The following PTPRD variants were observed in gnomAD, a reference collection of about 807,000 sequenced individuals.
PTPRD encodes protein tyrosine phosphatase receptor type D, also known as receptor-type tyrosine-protein phosphatase delta.
PTPRD carries 34 observed loss-of-function variants against 214.5 expected under a neutral mutation model. That is an observed-to-expected ratio of 0.16 (90% CI 0.12 to 0.21). The LOEUF is 0.21. PTPRD is among the 10% of genes least tolerant of loss of function. The pLI, the probability that PTPRD is intolerant of heterozygous loss-of-function variation, is 1.00. For synonymous variants in PTPRD, 1,128 were observed against 845.7 expected (o/e 1.33, Z -5.79); for missense variants, 2,545 against 2,398.7 (o/e 1.06, Z -1.27).
intron 3 of PTPRD, among the ~76,000 whole-genome samples, chr9:10,050,053 C>A (rs1043704219): frequency 1.3e-5 from 2 of 152,072 alleles, no homozygotes; most frequent in Admixed American, 6.6e-5. Context: ...TAGTGCCATT[C>A]CCTATTACCA....
rs901976709 is a variant in PTPRD at position 9,818,654 on chromosome 9, A to G, written c.-367-51803T>C. On this transcript the variant is annotated intron_variant, in intron 5 of 45. Transcript: ENST00000381196. ...GAAAATGGGTCGGGCGTGGTGGCTCATGCCTGTAATCCCAGCACTTTGGGA... is the reference window on the plus strand; with the variant it reads ...GAAAATGGGTCGGGCGTGGTGGCTCGTGCCTGTAATCCCAGCACTTTGGGA... 2.6e-5 allele frequency among the ~76,000 whole-genome samples: 4 copies of G among 152,112 alleles called. No homozygotes were observed. The South Asian group carries it at 8.3e-4, about 32-fold the overall frequency.
intron 3 of PTPRD, among the ~76,000 whole-genome samples, chr9:10,148,782 T>C (rs1365041635): frequency 6.6e-6 from 1 of 152,160 alleles, no homozygotes; most frequent in Non-Finnish European, 1.5e-5. Context: ...GTAAGAACCA[T>C]GTCTATGTAT....
intron 12 of PTPRD, among the ~76,000 whole-genome samples, chr9:8,684,868 G>A (rs536823177): frequency 6.6e-6 from 1 of 151,600 alleles, no homozygotes; most frequent in East Asian, 1.9e-4. Context: ...GCTCTCTGTG[G>A]GCATATGATT....
intron 39 of PTPRD, among the ~76,000 whole-genome samples, chr9:8,344,794 C>T (rs1242665932): frequency 6.6e-6 from 1 of 151,916 alleles, no homozygotes; most frequent in Non-Finnish European, 1.5e-5. Context: ...TTAACCCCTT[C>T]CTTATATTCC....
chr9:9,925,286 TA>T (rs2083880073), intron 5 of PTPRD, among the ~76,000 whole-genome samples: 1 of 152,058 alleles, frequency 6.6e-6, no homozygotes, highest in Admixed American at 6.6e-5. Context: ...GTTGCCTTAC[TA>T]AACAGAAATT....
At chr9:10,392,832 T>C (rs2098095402) in intron 2 of PTPRD, among the ~76,000 whole-genome samples, 1 of 151,898 alleles carries the variant, frequency 6.6e-6, no homozygotes, top group South Asian at 2.1e-4. Context: ...TGTGCTATTT[T>C]GGAAGTACAG....
At chr9:8,317,969 G>A (rs2130471420) in intron 45 of PTPRD, 27 bp from the exon 46 acceptor site, 2 of 1,590,232 alleles carry the variant, frequency 1.3e-6, no homozygotes, top group Non-Finnish European at 1.7e-6. Flanking sequence ...ATGGGGAGAA[G>A]CAAAAGAAGG....
chr9:9,597,731 C>T (rs2093461369), intron 7 of PTPRD, among the ~76,000 whole-genome samples: 1 of 151,734 alleles, frequency 6.6e-6, no homozygotes, highest in African/African-American at 2.4e-5. Context: ...AGTTTCAGCT[C>T]AGTAGTGCGA....
At chr9:8,592,763 G>T (rs1179024911) in intron 14 of PTPRD, among the ~76,000 whole-genome samples, 2 of 152,196 alleles carry the variant, frequency 1.3e-5, no homozygotes, top group Non-Finnish European at 2.9e-5. Context: ...GTGCTTAAAA[G>T]ATAACAAATA....
rs534540284 is a variant in PTPRD, at chr9:10,017,840, G to A, written c.-472+15878C>T. On this transcript the variant is annotated intron_variant, in intron 4 of 45. Coordinates refer to ENST00000381196, the MANE Select transcript of PTPRD (RefSeq NM_002839.4). ...TGTCTTGATGAAACTTTCCCCAATT[G>A]AATGCCCTCATGTAAAATTGTAACC... 5.3e-5 allele frequency among the ~76,000 whole-genome samples: 8 copies of A among 151,964 alleles called. No homozygotes were observed. In the East Asian group the frequency reaches 7.7e-4, roughly 15 times the overall value.
chr9:9,233,750 A>G (rs1165193724), intron 9 of PTPRD, among the ~76,000 whole-genome samples: 1 of 152,242 alleles, frequency 6.6e-6, no homozygotes, highest in African/African-American at 2.4e-5. Context: ...GGAAGTCATT[A>G]AACCTTAAAG....
intron 37 of PTPRD, among the ~76,000 whole-genome samples, chr9:8,380,508 A>G (rs918889866): frequency 6.6e-5 from 10 of 152,124 alleles, no homozygotes; most frequent in African/African-American, 2.2e-4. Flanking sequence ...TGCGGGAGGC[A>G]TTTCTTTTCA....
chr9:8,732,690 TTAA>T (rs967739077), intron 12 of PTPRD, among the ~76,000 whole-genome samples: 22 of 152,324 alleles, frequency 1.4e-4, no homozygotes, highest in Admixed American at 9.2e-4. Context: ...TATCTTCTTA[TTAA>T]TGTTATTCCT....
chr9:9,386,843 T>C (rs1274717835), intron 9 of PTPRD, among the ~76,000 whole-genome samples: 1 of 152,100 alleles, frequency 6.6e-6, no homozygotes, highest in Non-Finnish European at 1.5e-5. Flanking sequence ...TGGTATTTTA[T>C]GAAATAAAAG....
chr9:8,466,736 G>C (rs1004380483), intron 31 of PTPRD, among the ~76,000 whole-genome samples: 6 of 151,750 alleles, frequency 4.0e-5, no homozygotes, highest in East Asian at 1.9e-4. Flanking sequence ...ATGTATTTGA[G>C]GACAAACTGG....
intron 2 of PTPRD, among the ~76,000 whole-genome samples, chr9:10,386,687 C>G (rs1410935596): frequency 6.6e-6 from 1 of 151,274 alleles, no homozygotes; most frequent in Non-Finnish European, 1.5e-5. Flanking sequence ...AACAAACAAA[C>G]AAACAAAAAA....
intron 7 of PTPRD, among the ~76,000 whole-genome samples, chr9:9,670,590 A>C (rs1041088952): frequency 6.6e-6 from 1 of 152,174 alleles, no homozygotes; most frequent in African/African-American, 2.4e-5. Flanking sequence ...CTTAGGAGAA[A>C]ATGGTTCTGT....
chr9:9,542,617 A>G (rs1002408938), intron 8 of PTPRD, among the ~76,000 whole-genome samples: 15 of 151,750 alleles, frequency 9.9e-5, no homozygotes, highest in Non-Finnish European at 2.1e-4. Context: ...CAAATCAATA[A>G]TATAAACACA....
chr9:9,312,537 C>G (rs1481070885), intron 9 of PTPRD, among the ~76,000 whole-genome samples: 1 of 152,116 alleles, frequency 6.6e-6, no homozygotes, highest in Non-Finnish European at 1.5e-5. Flanking sequence ...TCTCTGGATA[C>G]TCTGGTTTCC....
Sources: allele counts gnomAD v4.1 joint callset (sites outside exome capture counted in the v4.1 genomes callset), GRCh38; gene constraint gnomAD v4.1.1; transcripts MANE v1.5; gene names NCBI Gene and HGNC (gene_info 2026-07-23, HGNC 2026-07-21).